CPAMD8: variants seen among roughly 807,000 people sequenced by gnomAD.
CPAMD8 encodes the protein C3 and PZP-like alpha-2-macroglobulin domain-containing protein 8.
A neutral mutation model predicts 224.7 loss-of-function variants in CPAMD8; 146 were observed. That is an observed-to-expected ratio of 0.65 (90% CI 0.57 to 0.75). CPAMD8 has a LOEUF of 0.75. CPAMD8 is among the 30% of genes least tolerant of loss of function. The probability of loss-of-function intolerance (pLI) is 0.00; values close to 1 mark genes in which losing one functional copy is unlikely to be tolerated. For synonymous variants in CPAMD8, 966 were observed against 1,044.6 expected (o/e 0.92, Z 1.45); for missense variants, 2,301 against 2,537.5 (o/e 0.91, Z 2.00).
chr19:16,948,899 AAG>A (rs2054204039), intron 20 of CPAMD8, among the ~76,000 whole-genome samples: 1 of 76,838 alleles, frequency 1.3e-5, no homozygotes, highest in African/African-American at 5.4e-5. Flanking sequence ...AAGGGAAGGG[AAG>A]GGAAGGGAAG....
intron 25 of CPAMD8, 77 bp downstream of exon 25, chr19:16,927,932 C>A: frequency 1.8e-6 from 2 of 1,098,384 alleles, no homozygotes; most frequent in South Asian, 1.3e-5. Flanking sequence ...CAAAGCCCAG[C>A]TTGAGACTAA....
At chr19:16,948,930 AGG>A (rs1203870934) in intron 20 of CPAMD8, among the ~76,000 whole-genome samples, 116 of 70,304 alleles carry the variant, frequency 1.6e-3, no homozygotes, top group Non-Finnish European at 2.6e-3. Flanking sequence ...AGGGGAGTGG[AGG>A]GGAGAGGAGC....
At chr19:16,919,968 C>G (rs1166559487) in intron 27 of CPAMD8, among the ~76,000 whole-genome samples, 2 of 152,122 alleles carry the variant, frequency 1.3e-5, no homozygotes, top group East Asian at 3.9e-4. Context: ...GAAACAGGCT[C>G]AGAGAGGTTG....
chr19:16,920,306 C>G (rs545121854), intron 27 of CPAMD8, among the ~76,000 whole-genome samples: 1 of 151,584 alleles, frequency 6.6e-6, no homozygotes, highest in African/African-American at 2.4e-5. Flanking sequence ...GGTGAAACCC[C>G]GTCTCTATTA....
chr19:16,985,342 CGGAT>C (rs145736282), intron 13 of CPAMD8, among the ~76,000 whole-genome samples: 4 of 142,768 alleles, frequency 2.8e-5, no homozygotes, highest in Non-Finnish European at 6.1e-5. Context: ...GGATGAAGGG[CGGAT>C]GGATGGATGG....
In CPAMD8 at chr19:16,928,938, A is replaced by G. The variant is rs374933493; in HGVS notation, c.3144+4T>C. 1 of 1,594,114 alleles carries G rather than the reference A, an allele frequency of 6.3e-7. No individual in the cohort carries two copies. Among genetic ancestry groups the G allele is most frequent in the Non-Finnish European group, 8.6e-7 (1 of 1,168,872 alleles). On this transcript the variant is annotated splice_donor_region_variant and intron_variant, in intron 24 of 41. Transcript: ENST00000443236. ...CACAAGCCCCAGGCAGTTCTGCTGT[A>G]TACCTGGATAAGGCCACCACGCCAG...
chr19:16,977,818 CCT>C (rs772901837), intron 14 of CPAMD8, among the ~76,000 whole-genome samples: 44 of 152,260 alleles, frequency 2.9e-4, no homozygotes, highest in Middle Eastern at 3.4e-3. Flanking sequence ...GTCCCTGCTC[CCT>C]GACCAGCCCT....
chr19:16,984,351 A>G (rs1274266575), intron 13 of CPAMD8, among the ~76,000 whole-genome samples: 3 of 150,596 alleles, frequency 2.0e-5, no homozygotes, highest in Admixed American at 2.0e-4. Context: ...AGAGAGAGAG[A>G]GAATGAATTT....
Position 17,026,649 on chromosome 19 carries a change from G to T in CPAMD8, c.-7C>A. On this transcript the variant is annotated 5_prime_UTR_variant, in exon 1 of 42. Transcript: ENST00000443236. ...AGAGCAGGGCGCCGCTCATTTTTCGGCTCCTGGGGGGCGCCGCGCCTGGGG... is the reference window on the plus strand; with the variant it reads ...AGAGCAGGGCGCCGCTCATTTTTCGTCTCCTGGGGGGCGCCGCGCCTGGGG... The T allele has an allele frequency of 3.5e-6, 5 of 1,419,448 alleles. No individual in the cohort carries two copies. The highest frequency in any genetic ancestry group is 4.6e-6 in the Non-Finnish European group (5 of 1,092,162). 87.9% of individuals were successfully genotyped at this position (1,419,448 alleles called of 1,614,324 possible). A position where few individuals can be genotyped will look rare whatever the true frequency, so the allele number is the denominator to read the frequency against.
At chr19:16,905,540 CAAAAA>C (rs5827346) in intron 30 of CPAMD8, among the ~76,000 whole-genome samples, 1 of 80,392 alleles carries the variant, frequency 1.2e-5, no homozygotes, top group Non-Finnish European at 2.3e-5. Flanking sequence ...AACTCCGTTT[CAAAAA>C]AAAAAAAAAA....
At position 16,895,417 on chromosome 19, in the gene CPAMD8, G is replaced by A. The variant is rs191663429; in HGVS notation, c.5426+759C>T. 496 of 168,598 alleles carry A rather than the reference G, an allele frequency of 2.9e-3. 2 individuals carry two copies. Among genetic ancestry groups the A allele is most frequent in the African/African-American group, 0.012 (485 of 41,762 alleles). The allele number at this position is 168,598 out of a possible 1,614,324, so 10.4% of individuals were successfully genotyped here. ...ACGAAACAACACAGGTGAATGCAAG[G>A]GAATCATGCTCCAAAGATTATCCGC... On this transcript the variant is annotated intron_variant, in intron 41 of 41. Coordinates refer to ENST00000443236, the MANE Select transcript of CPAMD8 (RefSeq NM_015692.5).
In CPAMD8 at chr19:16,902,705, G is replaced by A; in HGVS notation, c.4629C>T (p.Asp1543=). The A allele has an allele frequency of 1.2e-6, 2 of 1,606,362 alleles. No individual in the cohort carries two copies. Among genetic ancestry groups the A allele is most frequent in the Non-Finnish European group, 1.7e-6 (2 of 1,175,554 alleles). ...RGDWPPADDD[D]PAADQHHQEY... ...CCTGGTGATGCTGATCGGCCGCTGG[G>A]TCATCATCGTCAGCTGGGGGCCAGT... The change falls in exon 35 of 42, where the codon GAC becomes GAT. Residue 1543 remains aspartate (D), a synonymous_variant. Coordinates refer to ENST00000443236, the MANE Select transcript of CPAMD8 (RefSeq NM_015692.5).
At chr19:16,991,854 C>CA (rs201607210) in intron 12 of CPAMD8, among the ~76,000 whole-genome samples, 55,371 of 144,380 alleles carry the variant, frequency 0.38, 10,741 homozygotes, top group East Asian at 0.5. Context: ...GACTCTGTAT[C>CA]AAAAAAAAAA....
rs773514414 is a variant in CPAMD8 at position 16,993,605 on chromosome 19, G to A, written c.1096-19C>T. The A allele has an allele frequency of 2.3e-5, 37 of 1,612,362 alleles. No homozygotes were observed. The African/African-American group carries it at 4.4e-4, about 19-fold the overall frequency. ...GCTCCACCTAGAAAAGGTCACCCAAGACACAACAGAGTTAAGACGGCCATG... is the reference window on the plus strand; with the variant it reads ...GCTCCACCTAGAAAAGGTCACCCAAAACACAACAGAGTTAAGACGGCCATG... On this transcript the variant is annotated intron_variant, in intron 11 of 41. Transcript: ENST00000443236.
At chr19:16,952,272 G>GGAT in intron 19 of CPAMD8, 72 bp from the exon 20 acceptor site, 2 of 851,736 alleles carry the variant, frequency 2.3e-6, no homozygotes, top group Non-Finnish European at 3.9e-6. Context: ...CAGTGGGCAT[G>GGAT]GATGACCCAG....
chr19:16,978,330 G>A (rs2055355831), intron 14 of CPAMD8, among the ~76,000 whole-genome samples: 1 of 152,194 alleles, frequency 6.6e-6, no homozygotes, highest in African/African-American at 2.4e-5. Context: ...TTCATCTGCA[G>A]ATGGACACAG....
At chr19:16,933,745 C>A (rs2053609829) in intron 23 of CPAMD8, among the ~76,000 whole-genome samples, 1 of 152,140 alleles carries the variant, frequency 6.6e-6, no homozygotes, top group Admixed American at 6.6e-5. Context: ...GGTGGGAATA[C>A]AAAATGGCCT....
At chr19:16,934,520 TTC>T (rs1360469471) in intron 23 of CPAMD8, among the ~76,000 whole-genome samples, 45 of 152,160 alleles carry the variant, frequency 3.0e-4, no homozygotes, top group African/African-American at 1.1e-3. Context: ...TTATGAAACA[TTC>T]TGAGGCTGTC....
intron 25 of CPAMD8, among the ~76,000 whole-genome samples, chr19:16,927,795 G>A (rs2053415785): frequency 6.6e-6 from 1 of 152,242 alleles, no homozygotes; most frequent in African/African-American, 2.4e-5. Context: ...TCCCTCAAGG[G>A]TGGGGTTGGG....
Sources: gnomAD v4.1 joint callset for allele counts (sites outside exome capture counted in the v4.1 genomes callset) on GRCh38, gnomAD v4.1.1 for gene constraint, MANE v1.5 for transcripts, NCBI Gene and HGNC (gene_info 2026-07-23, HGNC 2026-07-21) for gene names.